CNTNAP2: variants seen among roughly 807,000 people sequenced by gnomAD.
The protein encoded by CNTNAP2 is contactin associated protein 2, also known as contactin-associated protein-like 2.
In CNTNAP2, 98 loss-of-function variants were observed where a neutral mutation model predicts 155.2. That is an observed-to-expected ratio of 0.63 (90% confidence interval 0.54 to 0.75). CNTNAP2 has a LOEUF of 0.75. Among genes scored for constraint, CNTNAP2 ranks in the 30% least tolerant of loss-of-function variants. The pLI is 0.00. For missense variants in CNTNAP2, 1,727 were observed against 1,688.1 expected (o/e 1.02, Z -0.40); for synonymous variants, 651 against 631.2 (o/e 1.03, Z -0.47).
intron 1 of CNTNAP2, among the ~76,000 whole-genome samples, chr7:146,660,381 A>G (rs184201967): frequency 1.3e-5 from 2 of 152,354 alleles, no homozygotes; most frequent in East Asian, 1.9e-4. Flanking sequence ...AAAGTCAGAA[A>G]GACCTGAGTT....
chr7:146,245,772 A>G (rs1353082330), intron 1 of CNTNAP2, among the ~76,000 whole-genome samples: 5 of 152,066 alleles, frequency 3.3e-5, no homozygotes, highest in Non-Finnish European at 7.3e-5. Flanking sequence ...CAGCCCAGGT[A>G]ATTTGCTGAG....
intron 13 of CNTNAP2, among the ~76,000 whole-genome samples, chr7:147,722,150 T>A (rs555634896): frequency 3.9e-4 from 59 of 152,320 alleles, no homozygotes; most frequent in African/African-American, 1.4e-3. Flanking sequence ...CCTTTCCTCA[T>A]GGACAGTGTG....
intron 13 of CNTNAP2, among the ~76,000 whole-genome samples, chr7:147,898,524 T>A (rs1445721233): frequency 1.4e-5 from 2 of 139,274 alleles, no homozygotes; most frequent in East Asian, 2.1e-4. Context: ...ATACCCAGAT[T>A]TTTTTTTCTT....
intron 1 of CNTNAP2, among the ~76,000 whole-genome samples, chr7:146,349,998 G>A (rs1408664923): frequency 2.6e-5 from 4 of 152,046 alleles, no homozygotes; most frequent in African/African-American, 9.7e-5. Context: ...TGTATTTCCT[G>A]AATCTGAATG....
chr7:146,304,545 A>G (rs1393398299), intron 1 of CNTNAP2, among the ~76,000 whole-genome samples: 3 of 152,054 alleles, frequency 2.0e-5, no homozygotes, highest in Non-Finnish European at 4.4e-5. Context: ...GTTCGGCTGG[A>G]TATGAAATTC....
At chr7:146,584,828 TCA>T (rs1177322344) in intron 1 of CNTNAP2, among the ~76,000 whole-genome samples, 1 of 152,134 alleles carries the variant, frequency 6.6e-6, no homozygotes, top group East Asian at 1.9e-4. Flanking sequence ...ATCCTTAGGG[TCA>T]CTTTTGGGGT....
At chr7:147,291,332 C>T (rs1158696450) in intron 8 of CNTNAP2, among the ~76,000 whole-genome samples, 1 of 151,972 alleles carries the variant, frequency 6.6e-6, no homozygotes, top group Non-Finnish European at 1.5e-5. Flanking sequence ...CCCCTCACTC[C>T]ACAACAGGCC....
chr7:146,685,830 A>T (rs1800587972), intron 1 of CNTNAP2, among the ~76,000 whole-genome samples: 1 of 152,206 alleles, frequency 6.6e-6, no homozygotes, highest in Admixed American at 6.5e-5. Context: ...AATGGAAAGA[A>T]CTGTTTATAA....
intron 12 of CNTNAP2, among the ~76,000 whole-genome samples, chr7:147,630,555 A>G (rs991136405): frequency 6.8e-4 from 104 of 152,272 alleles, no homozygotes; most frequent in African/African-American, 2.3e-3. Context: ...GCTGATGAAC[A>G]TATATGCAAA....
intron 9 of CNTNAP2, among the ~76,000 whole-genome samples, chr7:147,310,356 A>G (rs1346283724): frequency 1.3e-5 from 2 of 152,138 alleles, no homozygotes; most frequent in Non-Finnish European, 2.9e-5. Flanking sequence ...TTTACCATTG[A>G]CATGTTCTGC....
At chr7:146,167,643 A>C (rs974015789) in intron 1 of CNTNAP2, among the ~76,000 whole-genome samples, 1 of 152,202 alleles carries the variant, frequency 6.6e-6, no homozygotes, top group Admixed American at 6.6e-5. Flanking sequence ...AGATACAAGG[A>C]ATACTTGAGG....
chr7:146,421,521 G>A (rs1340622852), intron 1 of CNTNAP2, among the ~76,000 whole-genome samples: 2 of 152,028 alleles, frequency 1.3e-5, no homozygotes, highest in African/African-American at 2.4e-5. Flanking sequence ...AGGTGCAAAT[G>A]TAATTCAGAA....
chr7:148,257,074 AC>A (rs1366892165), intron 20 of CNTNAP2, among the ~76,000 whole-genome samples: 1 of 152,094 alleles, frequency 6.6e-6, no homozygotes, highest in Non-Finnish European at 1.5e-5. Flanking sequence ...CCCTGAGCAC[AC>A]CTGGGAGTGC....
At chr7:147,483,086 G>A (rs936067228) in intron 10 of CNTNAP2, among the ~76,000 whole-genome samples, 5 of 151,654 alleles carry the variant, frequency 3.3e-5, no homozygotes, top group African/African-American at 1.2e-4. Flanking sequence ...AGAATTATAA[G>A]AAAGAAAAAT....
chr7:147,883,748 T>C (rs1455202038), intron 13 of CNTNAP2, among the ~76,000 whole-genome samples: 1 of 152,034 alleles, frequency 6.6e-6, no homozygotes, highest in South Asian at 2.1e-4. Context: ...AAATTTATTT[T>C]CTCTTTTTTC....
chr7:146,234,331 T>A (rs1344401282), intron 1 of CNTNAP2, among the ~76,000 whole-genome samples: 2 of 152,320 alleles, frequency 1.3e-5, no homozygotes, highest in East Asian at 1.9e-4. Flanking sequence ...CTTGTAAATT[T>A]GTTTGAGTTC....
At chr7:146,836,295 C>T (rs1372084390) in intron 2 of CNTNAP2, among the ~76,000 whole-genome samples, 2 of 151,926 alleles carry the variant, frequency 1.3e-5, no homozygotes, top group Admixed American at 6.6e-5. Context: ...AAACTTCAAC[C>T]CTCTGTCCAG....
intron 13 of CNTNAP2, among the ~76,000 whole-genome samples, chr7:147,796,530 G>A (rs1797897330): frequency 6.6e-6 from 1 of 151,224 alleles, no homozygotes; most frequent in Non-Finnish European, 1.5e-5. Context: ...AGCAGTAGAA[G>A]ACATGGCTAC....
intron 1 of CNTNAP2, among the ~76,000 whole-genome samples, chr7:146,411,083 GACATTTATTAT>G (rs1795858164): frequency 6.6e-6 from 1 of 151,664 alleles, no homozygotes; most frequent in South Asian, 2.1e-4. Context: ...ATAAGTTCAA[GACATTTATTAT>G]ACATCACAGT....
Sources: gnomAD v4.1 joint callset for allele counts (sites outside exome capture counted in the v4.1 genomes callset) on GRCh38, gnomAD v4.1.1 for gene constraint, MANE v1.5 for transcripts, NCBI Gene and HGNC (gene_info 2026-07-23, HGNC 2026-07-21) for gene names.